The following CLEC16A variants were observed in gnomAD, a reference collection of about 807,000 sequenced individuals.
The protein encoded by CLEC16A is C-type lectin domain containing 16A, also known as protein CLEC16A.
Under a neutral mutation model 109.5 loss-of-function variants are expected in CLEC16A, and 51 were observed. The observed-to-expected ratio is 0.47, with a 90% CI of 0.37 to 0.59. The LOEUF is 0.59. Among genes scored for constraint, CLEC16A ranks in the 20% least tolerant of loss-of-function variants. The probability of loss-of-function intolerance (pLI) is 0.00; values close to 1 mark genes in which losing one functional copy is unlikely to be tolerated. For synonymous variants in CLEC16A, 673 were observed against 564.2 expected (o/e 1.19, Z -2.73); for missense variants, 1,339 against 1,394.0 (o/e 0.96, Z 0.63).
intron 13 of CLEC16A, among the ~76,000 whole-genome samples, chr16:11,029,254 T>C (rs1258975140): frequency 6.6e-6 from 1 of 152,148 alleles, no homozygotes; most frequent in African/African-American, 2.4e-5. Flanking sequence ...AGGTGGTCTC[T>C]CCACACTGGC....
At chr16:10,990,444 A>G (rs575350877) in intron 10 of CLEC16A, among the ~76,000 whole-genome samples, 2 of 152,338 alleles carry the variant, frequency 1.3e-5, no homozygotes, top group African/African-American at 2.4e-5. Flanking sequence ...GAGGGTCTCA[A>G]TGTCCCTTAG....
At chr16:11,034,817 G>A (rs1016237714) in intron 13 of CLEC16A, among the ~76,000 whole-genome samples, 2 of 152,222 alleles carry the variant, frequency 1.3e-5, no homozygotes, top group Non-Finnish European at 2.9e-5. Context: ...TTCTGTCAGA[G>A]GGAAATGACT....
At chr16:10,998,247 C>T (rs534620148) in intron 10 of CLEC16A, among the ~76,000 whole-genome samples, 3 of 152,306 alleles carry the variant, frequency 2.0e-5, no homozygotes, top group South Asian at 4.1e-4. Context: ...AGTTAGGCCC[C>T]GGGGCACCTC....
intron 3 of CLEC16A, among the ~76,000 whole-genome samples, 193 bp downstream of exon 3, chr16:10,962,781 A>C (rs535789078): frequency 6.6e-5 from 10 of 152,290 alleles, no homozygotes; most frequent in Middle Eastern, 6.8e-3. Flanking sequence ...AAGATTGGCC[A>C]GGCATGGTAT....
rs2068971931 is a variant in CLEC16A at position 11,182,034 on chromosome 16, C to T, written c.*3344C>T. On this transcript the variant is annotated 3_prime_UTR_variant, in exon 24 of 24. Coordinates refer to ENST00000409790, the MANE Select transcript of CLEC16A (RefSeq NM_015226.3). ...GTGAGAACCGAGGGTTAGAAAACCT[C>T]GATGCCTCTGAGCCTCGGGACCGCT... is the stretch of plus-strand genomic sequence containing the variant. 6.6e-6 allele frequency: 1 copy of T among 152,422 alleles called. No homozygotes were observed. The highest frequency in any genetic ancestry group is 1.5e-5 in the Non-Finnish European group (1 of 68,038). The allele number at this position is 152,422 out of a possible 1,614,324, so 9.4% of individuals were successfully genotyped here.
At chr16:11,031,992 A>T (rs1354152764) in intron 13 of CLEC16A, among the ~76,000 whole-genome samples, 1 of 152,224 alleles carries the variant, frequency 6.6e-6, no homozygotes, top group Non-Finnish European at 1.5e-5. Flanking sequence ...AGGCAGACCA[A>T]CCCAGGCCCT....
At chr16:11,140,713 A>C (rs1344770655) in intron 22 of CLEC16A, among the ~76,000 whole-genome samples, 1 of 152,196 alleles carries the variant, frequency 6.6e-6, no homozygotes, top group African/African-American at 2.4e-5. Flanking sequence ...TCATCAGTGC[A>C]CCTGCTGTGC....
At chr16:11,006,257 C>G (rs570465985) in intron 11 of CLEC16A, among the ~76,000 whole-genome samples, 8 of 152,190 alleles carry the variant, frequency 5.3e-5, no homozygotes, top group African/African-American at 1.9e-4. Context: ...TTGGCCTGGC[C>G]CGCATGACAA....
chr16:11,000,232 C>T (rs2044589735), intron 10 of CLEC16A, among the ~76,000 whole-genome samples: 1 of 152,184 alleles, frequency 6.6e-6, no homozygotes, highest in Non-Finnish European at 1.5e-5. Context: ...CTAGGACAGG[C>T]CAGCTGGGTT....
chr16:11,136,186 A>ACC (rs2053550211), intron 22 of CLEC16A: 3 of 152,212 alleles, frequency 2.0e-5, no homozygotes, highest in Admixed American at 2.0e-4. Flanking sequence ...GGTGGCCTTG[A>ACC]CCCATTTGGT....
At chr16:11,053,197 C>G (rs2048039657) in intron 18 of CLEC16A, among the ~76,000 whole-genome samples, 1 of 152,126 alleles carries the variant, frequency 6.6e-6, no homozygotes, top group Non-Finnish European at 1.5e-5. Context: ...AGCCCACACT[C>G]TACCTTCTTT....
At chr16:11,110,744 C>A (rs2051530427) in intron 19 of CLEC16A, among the ~76,000 whole-genome samples, 1 of 152,120 alleles carries the variant, frequency 6.6e-6, no homozygotes. Flanking sequence ...CTGGGCAGTC[C>A]TGCAGGTGGT....
chr16:11,073,649 G>A (rs1051003241), intron 19 of CLEC16A, among the ~76,000 whole-genome samples: 3 of 152,222 alleles, frequency 2.0e-5, no homozygotes, highest in African/African-American at 7.2e-5. Context: ...GCTGCTCACA[G>A]GCTCCTGGAC....
At chr16:10,957,744 T>A (rs1393212535) in intron 1 of CLEC16A, 38 bp from the exon 2 acceptor site, 24 of 1,611,392 alleles carry the variant, frequency 1.5e-5, no homozygotes, top group Non-Finnish European at 2.0e-5. Flanking sequence ...GCATTTCAGT[T>A]GGTAACCTTT....
intron 11 of CLEC16A, among the ~76,000 whole-genome samples, chr16:11,010,422 A>G (rs2045330859): frequency 6.6e-6 from 1 of 152,064 alleles, no homozygotes; most frequent in African/African-American, 2.4e-5. Context: ...CAAACTTTTT[A>G]TTTGAAAATA....
At chr16:11,132,449 C>T (rs772499981) in intron 22 of CLEC16A, among the ~76,000 whole-genome samples, 1 of 152,100 alleles carries the variant, frequency 6.6e-6, no homozygotes, top group Admixed American at 6.5e-5. Flanking sequence ...TTTGCTTCCA[C>T]CTTCATCCAT....
At chr16:11,001,555 G>A (rs1182050935) in intron 10 of CLEC16A, among the ~76,000 whole-genome samples, 1 of 152,138 alleles carries the variant, frequency 6.6e-6, no homozygotes, top group Non-Finnish European at 1.5e-5. Flanking sequence ...TAACCTTTCT[G>A]CTCCTCTATT....
intron 10 of CLEC16A, among the ~76,000 whole-genome samples, chr16:10,983,479 T>A (rs1240730622): frequency 6.6e-6 from 1 of 152,162 alleles, no homozygotes; most frequent in African/African-American, 2.4e-5. Context: ...ATTACTAGGT[T>A]TTTTCATGTT....
chr16:10,951,952 A>G (rs1330413037), intron 1 of CLEC16A, among the ~76,000 whole-genome samples: 1 of 152,216 alleles, frequency 6.6e-6, no homozygotes, highest in Non-Finnish European at 1.5e-5. Context: ...AGATATTTGC[A>G]AACAGTTGTC....
Sources: gnomAD v4.1 joint callset for allele counts (sites outside exome capture counted in the v4.1 genomes callset) on GRCh38, gnomAD v4.1.1 for gene constraint, MANE v1.5 for transcripts, NCBI Gene and HGNC (gene_info 2026-07-23, HGNC 2026-07-21) for gene names.